The following KLHL22 variants were observed in gnomAD, a reference collection of about 807,000 sequenced individuals.
KLHL22 encodes kelch like family member 22, also known as kelch-like protein 22.
A neutral mutation model predicts 60.7 loss-of-function variants in KLHL22; 18 were observed. The ratio of observed to expected loss-of-function variants is 0.30; its 90% CI spans 0.20 to 0.44. The LOEUF is 0.44. Ranked by LOEUF, KLHL22 falls within the 20% of genes least tolerant of loss-of-function variation. KLHL22 has a pLI of 1.00. For missense variants in KLHL22, 596 were observed against 852.3 expected (o/e 0.70, Z 3.74); for synonymous variants, 355 against 354.5 (o/e 1.00, Z -0.01).
chr22:20,464,786 C>G lies in KLHL22; in HGVS notation c.1112+72G>C, dbSNP rs977685375. The G allele has an allele frequency of 5.4e-5, 51 of 938,682 alleles. No individual in the cohort carries two copies. The Middle Eastern group carries it at 6.7e-4, about 12-fold the overall frequency. The allele number at this position is 938,682 out of a possible 1,614,324, so 58.1% of individuals were successfully genotyped here. A position where few individuals can be genotyped will look rare whatever the true frequency, so the allele number is the denominator to read the frequency against. ...GAAAGGCTGGGGGGAACCTGACCAG[C>G]TCTCTCAGCCCATGACTTCCACACC... On this transcript the variant is annotated intron_variant, in intron 4 of 6. Transcript: ENST00000328879.
intron 2 of KLHL22, among the ~76,000 whole-genome samples, chr22:20,485,749 T>C (rs928821391): frequency 6.6e-6 from 1 of 151,860 alleles, no homozygotes; most frequent in Admixed American, 6.6e-5. Context: ...ACGTCTGTAA[T>C]CCCAGCTACT....
chr22:20,444,544 C>T (rs2052823689), intron 6 of KLHL22, among the ~76,000 whole-genome samples: 1 of 152,098 alleles, frequency 6.6e-6, no homozygotes, highest in African/African-American at 2.4e-5. Flanking sequence ...ACACAGCGTT[C>T]CCAGGTGATG....
intron 2 of KLHL22, among the ~76,000 whole-genome samples, chr22:20,487,077 G>A (rs575187245): frequency 2.0e-5 from 3 of 148,682 alleles, no homozygotes; most frequent in African/African-American, 5.0e-5. Flanking sequence ...GTGCCACCAC[G>A]CCCCGCTAGT....
chr22:20,453,346 G>C (rs1280292426), intron 5 of KLHL22, among the ~76,000 whole-genome samples: 1 of 151,792 alleles, frequency 6.6e-6, no homozygotes, highest in African/African-American at 2.4e-5. Flanking sequence ...GACTTGGGTT[G>C]ATATCCATTT....
At chr22:20,477,838 G>A (rs892611900) in intron 2 of KLHL22, among the ~76,000 whole-genome samples, 11 of 152,284 alleles carry the variant, frequency 7.2e-5, no homozygotes, top group African/African-American at 2.6e-4. Flanking sequence ...TCCCACCTCA[G>A]CCTCCCAAAT....
At chr22:20,444,481 C>T (rs28378166) in intron 6 of KLHL22, among the ~76,000 whole-genome samples, 11 of 152,218 alleles carry the variant, frequency 7.2e-5, no homozygotes, top group African/African-American at 2.4e-4. Context: ...AAAGCCAGAT[C>T]GCCAAGACCC....
In KLHL22 at chr22:20,449,628, G is replaced by A. The variant is rs1026521607; in HGVS notation, c.1306-2952C>T. Among the ~76,000 whole-genome samples the A allele has an allele frequency of 3.3e-5, 5 of 149,966 alleles. No homozygotes were observed. The East Asian group carries it at 6.0e-4, about 18-fold the overall frequency. On this transcript the variant is annotated intron_variant, in intron 5 of 6. Coordinates refer to ENST00000328879, the MANE Select transcript of KLHL22 (RefSeq NM_032775.4). ...GTTGGCCAGGCTGGTCTCTGGTCTC[G>A]AACTCCTGACCTCGTGATCCGCTCA...
intron 2 of KLHL22, chr22:20,484,057 C>A: frequency 1.0e-6 from 1 of 971,426 alleles, no homozygotes; most frequent in Non-Finnish European, 1.6e-6. Context: ...TGGACAGAGC[C>A]CAGGGACCAG....
chr22:20,448,145 T>C (rs1289115745), intron 5 of KLHL22, among the ~76,000 whole-genome samples: 3 of 152,202 alleles, frequency 2.0e-5, no homozygotes, highest in South Asian at 2.1e-4. Context: ...TTCAAGAGTG[T>C]TGTCTGAATT....
rs751369499 is a variant in KLHL22, at chr22:20,465,142, G to A, written c.828C>T (p.Tyr276=). The change falls in exon 4 of 7, where the codon TAC becomes TAT. Residue 276 remains tyrosine, a synonymous_variant. Transcript: ENST00000328879. This position sits in a 1 kb window ranked among gnomAD's most constrained non-coding sequence, Gnocchi z 4.9. ...TGGGCTGTAGGCTCTCGTTCCGGTG[G>A]TACATGAGGGCGCTGGCCACTGTGT... ...LRDTVASALM[Y]HRNESLQPSL... is the part of the protein sequence containing the mutation. 3.1e-6 allele frequency: 5 copies of A among 1,613,832 alleles called. No individual in the cohort carries two copies. The highest frequency in any genetic ancestry group is 4.2e-6 in the Non-Finnish European group (5 of 1,180,036).
At chr22:20,453,555 C>G (rs892013323) in intron 5 of KLHL22, among the ~76,000 whole-genome samples, 5 of 152,188 alleles carry the variant, frequency 3.3e-5, no homozygotes, top group African/African-American at 1.2e-4. Context: ...ATTACTGTAG[C>G]TATGTAGTAA....
At chr22:20,478,242 G>A (rs888099422) in intron 2 of KLHL22, among the ~76,000 whole-genome samples, 7 of 135,614 alleles carry the variant, frequency 5.2e-5, no homozygotes, top group African/African-American at 1.6e-4. Context: ...TTTCACTCTT[G>A]TTGCCCAGGC....
chr22:20,460,922 G>A (rs2053144681), intron 4 of KLHL22, among the ~76,000 whole-genome samples: 1 of 152,236 alleles, frequency 6.6e-6, no homozygotes, highest in Non-Finnish European at 1.5e-5. Context: ...TGATGGTAGT[G>A]GGAGGCATGG....
intron 6 of KLHL22, among the ~76,000 whole-genome samples, chr22:20,443,851 C>T (rs1181977910): frequency 6.6e-6 from 1 of 151,998 alleles, no homozygotes; most frequent in Non-Finnish European, 1.5e-5. Context: ...AGTTTGAGAC[C>T]AGCCTGGCCG....
chr22:20,487,241 AG>A (rs1275830262), intron 2 of KLHL22, among the ~76,000 whole-genome samples: 2 of 150,420 alleles, frequency 1.3e-5, no homozygotes, highest in Admixed American at 6.6e-5. Context: ...TTTTTGAAAC[AG>A]GGTCTTGCTC....
In KLHL22 at chr22:20,460,608, CCCAAAAAAAAAAAAAAA is replaced by C. The variant is rs2053137273; in HGVS notation, c.1113-2625_1113-2609del. ...TGGGCGACAGAGTGAAACTCCATCC[CCCAAAAAAAAAAAAAAA>C]AAAAAAAAAAAAAAAAAAAAAAGAC... On this transcript the variant is annotated intron_variant, in intron 4 of 6. Coordinates refer to ENST00000328879, the MANE Select transcript of KLHL22 (RefSeq NM_032775.4). 2.4e-4 allele frequency among the ~76,000 whole-genome samples: 8 copies of C among 32,674 alleles called. No individual in the cohort carries two copies. The South Asian group carries it at 7.5e-3, about 31-fold the overall frequency. 21.4% of individuals were successfully genotyped at this position (32,674 alleles called of 152,430 possible).
chr22:20,454,401 A>C (rs2053030445), intron 5 of KLHL22, among the ~76,000 whole-genome samples: 1 of 152,186 alleles, frequency 6.6e-6, no homozygotes, highest in South Asian at 2.1e-4. Context: ...GAACCAGGAA[A>C]CCCCAAACTG....
intron 3 of KLHL22, among the ~76,000 whole-genome samples, chr22:20,467,151 T>C (rs2053248364): frequency 6.6e-6 from 1 of 152,204 alleles, no homozygotes; most frequent in Non-Finnish European, 1.5e-5. Context: ...GACGAGTACC[T>C]TGACCTCTCT....
At chr22:20,447,079 A>G (rs570839003) in intron 5 of KLHL22, among the ~76,000 whole-genome samples, 89 of 152,274 alleles carry the variant, frequency 5.8e-4, no homozygotes, top group African/African-American at 2.1e-3. Context: ...TGGACATGCA[A>G]TCCTCCGGGC....
Sources: gnomAD v4.1 joint callset for allele counts (sites outside exome capture counted in the v4.1 genomes callset) on GRCh38, gnomAD v4.1.1 for gene constraint, Gnocchi (gnomAD v3.1) non-coding constraint, MANE v1.5 for transcripts, NCBI Gene and HGNC (gene_info 2026-07-23, HGNC 2026-07-21) for gene names.